Variants in ARHGAP18 observed in about 807,000 individuals in gnomAD.
ARHGAP18 encodes Rho GTPase activating protein 18.
A neutral mutation model predicts 86.2 loss-of-function variants in ARHGAP18; 67 were observed. The observed-to-expected ratio is 0.78, with a 90% confidence interval of 0.64 to 0.95. The LOEUF (loss-of-function observed/expected upper bound fraction) is 0.95. Among genes scored for constraint, ARHGAP18 ranks in the 40% least tolerant of loss-of-function variants. ARHGAP18 has a pLI of 0.00. For missense variants in ARHGAP18, 691 were observed against 780.4 expected, an observed-to-expected ratio of 0.89 and a Z score of 1.37; for synonymous variants, 283 against 280.4, an observed-to-expected ratio of 1.01 and a Z score of -0.09.
chr6:129,667,032 A>T lies in ARHGAP18; in HGVS notation c.114-25014T>A, dbSNP rs60997478. Among the ~76,000 whole-genome samples, 984 of 152,290 alleles carry T rather than the reference A, an allele frequency of 6.5e-3. 12 individuals are homozygous for T. Among genetic ancestry groups the T allele is most frequent in the African/African-American group, 0.023 (949 of 41,546 alleles). ...AATTCAAAGTCTTATATGGAATGAGAAAAGTAATCAGTCAATATTGTTTCA... is the reference window on the plus strand; with the variant it reads ...AATTCAAAGTCTTATATGGAATGAGTAAAGTAATCAGTCAATATTGTTTCA... On this transcript the variant is annotated intron_variant, in intron 1 of 14. Transcript: ENST00000368149.
intron 3 of ARHGAP18, among the ~76,000 whole-genome samples, chr6:129,637,263 CTA>C (rs1412953401): frequency 6.6e-6 from 1 of 152,136 alleles, no homozygotes; most frequent in Non-Finnish European, 1.5e-5. Context: ...TTGGGTTTTG[CTA>C]TGTTGCCCAG....
intron 1 of ARHGAP18, among the ~76,000 whole-genome samples, chr6:129,644,366 TC>T (rs1206595053): frequency 1.3e-5 from 2 of 152,176 alleles, no homozygotes; most frequent in African/African-American, 2.4e-5. Context: ...GAGAAAGTCA[TC>T]CCTCTCTTAA....
intron 12 of ARHGAP18, among the ~76,000 whole-genome samples, chr6:129,589,521 C>T (rs758575966): frequency 6.6e-6 from 1 of 152,158 alleles, no homozygotes; most frequent in Non-Finnish European, 1.5e-5. Flanking sequence ...CTAGGAAGTT[C>T]CAAACTTTCC....
chr6:129,697,617 A>G (rs2114552475), intron 1 of ARHGAP18, among the ~76,000 whole-genome samples: 1 of 152,328 alleles, frequency 6.6e-6, no homozygotes, highest in South Asian at 2.1e-4. Flanking sequence ...ACAGGAGACA[A>G]AGGATTAATA....
intron 1 of ARHGAP18, among the ~76,000 whole-genome samples, chr6:129,649,744 A>C (rs1342917688): frequency 6.6e-6 from 1 of 151,888 alleles, no homozygotes; most frequent in African/African-American, 2.4e-5. Context: ...CACATTACCT[A>C]AGCAAAACTG....
At chr6:129,704,904 CCTT>C (rs997375220) in intron 1 of ARHGAP18, among the ~76,000 whole-genome samples, 2 of 152,222 alleles carry the variant, frequency 1.3e-5, no homozygotes, top group African/African-American at 4.8e-5. Context: ...CCTCCCTCCT[CCTT>C]ATCCTGACCC....
chr6:129,706,590 T>TA (rs1017871309), intron 1 of ARHGAP18, among the ~76,000 whole-genome samples: 2 of 152,054 alleles, frequency 1.3e-5, no homozygotes, highest in African/African-American at 2.4e-5. Flanking sequence ...CAAATGGTAA[T>TA]AAAAAAGGAC....
intron 1 of ARHGAP18, among the ~76,000 whole-genome samples, chr6:129,654,259 C>T (rs1430354760): frequency 6.6e-6 from 1 of 152,112 alleles, no homozygotes; most frequent in African/African-American, 2.4e-5. Flanking sequence ...TAAGGAAACA[C>T]AGTTAATGCC....
At chr6:129,638,984 A>G (rs1207020738) in intron 2 of ARHGAP18, among the ~76,000 whole-genome samples, 1 of 152,216 alleles carries the variant, frequency 6.6e-6, no homozygotes, top group African/African-American at 2.4e-5. Context: ...TGCTGGGGCT[A>G]TATATTAAGC....
At chr6:129,675,217 C>T (rs935510830) in intron 1 of ARHGAP18, among the ~76,000 whole-genome samples, 1 of 152,080 alleles carries the variant, frequency 6.6e-6, no homozygotes, top group Non-Finnish European at 1.5e-5. Flanking sequence ...AATCCACCTT[C>T]AGTTCACTCA....
rs1788192845 is a variant in ARHGAP18, at chr6:129,577,134, A to G, written c.*1379T>C. ...GCATTTAATTACAAAATTTTCTTTT[A>G]AATAAAAAAGCAATGGCACGAATCA... On this transcript the variant is annotated 3_prime_UTR_variant, in exon 15 of 15. Transcript: ENST00000368149. 6.6e-6 allele frequency: 1 copy of G among 152,184 alleles called. No individual in the cohort carries two copies. The highest frequency in any genetic ancestry group is 1.5e-5 in the Non-Finnish European group (1 of 68,010). The allele number at this position is 152,184 out of a possible 1,614,324, so 9.4% of individuals were successfully genotyped here.
chr6:129,694,088 T>C (rs532110174), intron 1 of ARHGAP18, among the ~76,000 whole-genome samples: 1 of 152,328 alleles, frequency 6.6e-6, no homozygotes, highest in African/African-American at 2.4e-5. Context: ...GAATCCAGAC[T>C]GGCATAACTT....
chr6:129,639,799 C>T (rs1042330003), intron 2 of ARHGAP18, among the ~76,000 whole-genome samples: 3 of 152,132 alleles, frequency 2.0e-5, no homozygotes, highest in African/African-American at 7.2e-5. Context: ...AATCCCAGCA[C>T]TTTGGGAAGC....
chr6:129,687,972 A>G (rs957782897), intron 1 of ARHGAP18, among the ~76,000 whole-genome samples: 3 of 152,190 alleles, frequency 2.0e-5, no homozygotes, highest in Admixed American at 6.5e-5. Context: ...TACAGTGTCA[A>G]TCCATCAGAA....
intron 3 of ARHGAP18, among the ~76,000 whole-genome samples, chr6:129,637,149 C>T (rs999229117): frequency 4.6e-5 from 7 of 151,840 alleles, no homozygotes; most frequent in African/African-American, 1.2e-4. Flanking sequence ...ACTGCAGCCT[C>T]GACCTCCAGG....
At chr6:129,585,579 G>A (rs756781364) in intron 12 of ARHGAP18, among the ~76,000 whole-genome samples, 14 of 152,286 alleles carry the variant, frequency 9.2e-5, no homozygotes, top group Non-Finnish European at 1.3e-4. Flanking sequence ...TATCACAAAG[G>A]ACCTGACCAT....
intron 12 of ARHGAP18, among the ~76,000 whole-genome samples, chr6:129,587,826 C>T (rs528136291): frequency 6.6e-6 from 1 of 152,272 alleles, no homozygotes; most frequent in Non-Finnish European, 1.5e-5. Context: ...CCCCAGCCTT[C>T]CAAAATCTCA....
intron 1 of ARHGAP18, among the ~76,000 whole-genome samples, chr6:129,702,702 CAAG>C (rs1774736000): frequency 1.3e-5 from 2 of 152,092 alleles, no homozygotes. Flanking sequence ...AGAACAGAAT[CAAG>C]AAGAGGCAGG....
intron 5 of ARHGAP18, among the ~76,000 whole-genome samples, chr6:129,622,181 G>A (rs148581212): frequency 1.3e-5 from 2 of 152,270 alleles, no homozygotes; most frequent in African/African-American, 2.4e-5. Flanking sequence ...CAATGAGGTG[G>A]AGGGCCATTG....
Sources: allele counts gnomAD v4.1 joint callset (sites outside exome capture counted in the v4.1 genomes callset), GRCh38; gene constraint gnomAD v4.1.1; transcripts MANE v1.5; gene names NCBI Gene and HGNC (gene_info 2026-07-23, HGNC 2026-07-21).